TYW1: variants seen among roughly 807,000 people sequenced by gnomAD.
The protein encoded by TYW1 is S-adenosyl-L-methionine-dependent tRNA 4-demethylwyosine synthase TYW1.
Under a neutral mutation model 96.2 loss-of-function variants are expected in TYW1, and 46 were observed. The observed-to-expected ratio is 0.48, with a 90% CI of 0.38 to 0.61. The LOEUF is 0.61. TYW1 is among the 20% of genes least tolerant of loss of function. The pLI is 0.00. For synonymous variants in TYW1, 274 were observed against 323.0 expected (o/e 0.85, Z 1.63); for missense variants, 684 against 909.6 (o/e 0.75, Z 3.19).
At chr7:67,106,776 C>T (rs1797257676) in intron 12 of TYW1, among the ~76,000 whole-genome samples, 2 of 152,164 alleles carry the variant, frequency 1.3e-5, no homozygotes, top group Admixed American at 6.5e-5. Flanking sequence ...AATCTCATAG[C>T]TCTTTTTTGG....
intron 6 of TYW1, among the ~76,000 whole-genome samples, chr7:67,018,704 C>T (rs1301804637): frequency 6.6e-6 from 1 of 151,820 alleles, no homozygotes; most frequent in Non-Finnish European, 1.5e-5. Context: ...CTTGTAATCC[C>T]AGCACTTTTG....
intron 15 of TYW1, among the ~76,000 whole-genome samples, chr7:67,196,638 G>C (rs1447619687): frequency 1.4e-5 from 2 of 140,660 alleles, no homozygotes; most frequent in Non-Finnish European, 3.1e-5. Context: ...TGTCAAACTG[G>C]AATCACAGCC....
intron 3 of TYW1, 70 bp downstream of exon 3, chr7:66,999,024 T>A: frequency 1.3e-6 from 2 of 1,533,750 alleles, no homozygotes; most frequent in Non-Finnish European, 1.8e-6. Flanking sequence ...AGCAGTGAAC[T>A]TTAGCAGTGA....
At chr7:67,072,563 TA>T (rs1796061372) in intron 10 of TYW1, among the ~76,000 whole-genome samples, 1 of 152,044 alleles carries the variant, frequency 6.6e-6, no homozygotes, top group African/African-American at 2.4e-5. Flanking sequence ...TACCCACTTT[TA>T]AAAAATTCTT....
At chr7:67,108,230 A>G (rs1180315661) in intron 12 of TYW1, among the ~76,000 whole-genome samples, 1 of 152,142 alleles carries the variant, frequency 6.6e-6, no homozygotes, top group East Asian at 1.9e-4. Context: ...ACATAAAATC[A>G]TATAACAACT....
chr7:67,130,131 A>G (rs1798022583), intron 13 of TYW1, among the ~76,000 whole-genome samples: 1 of 151,976 alleles, frequency 6.6e-6, no homozygotes, highest in Non-Finnish European at 1.5e-5. Flanking sequence ...CTCTAATCCC[A>G]GCACTTTGGG....
At chr7:67,080,953 T>TG (rs1450971235) in intron 10 of TYW1, among the ~76,000 whole-genome samples, 5 of 146,404 alleles carry the variant, frequency 3.4e-5, no homozygotes, top group African/African-American at 1.3e-4. Context: ...TTTTTTTTTT[T>TG]TTTTTTTTTT....
intron 13 of TYW1, among the ~76,000 whole-genome samples, 167 bp downstream of exon 13, chr7:67,117,785 A>C (rs1797640240): frequency 6.6e-6 from 1 of 152,246 alleles, no homozygotes; most frequent in Non-Finnish European, 1.5e-5. Context: ...TTCCTTCTTC[A>C]AGGAATTTTG....
intron 10 of TYW1, among the ~76,000 whole-genome samples, chr7:67,073,254 C>G (rs914836491): frequency 3.9e-5 from 6 of 152,026 alleles, no homozygotes; most frequent in Non-Finnish European, 8.8e-5. Flanking sequence ...GACAATGTCT[C>G]GAGATATTTT....
At chr7:67,029,432 T>TATATATATATATATATATATATATATAA (rs1380875291) in intron 7 of TYW1, among the ~76,000 whole-genome samples, 1 of 139,232 alleles carries the variant, frequency 7.2e-6, no homozygotes, top group Non-Finnish European at 1.6e-5. Context: ...TATATATATA[T>TATATATATATATATATATATATATATAA]AAATAGTATT....
chr7:67,131,763 G>A (rs201960097), intron 13 of TYW1, among the ~76,000 whole-genome samples: 1 of 152,212 alleles, frequency 6.6e-6, no homozygotes, highest in Non-Finnish European at 1.5e-5. Flanking sequence ...GAAGCTGACA[G>A]TGCAGCCTTC....
At chr7:67,094,880 G>A (rs1277450137) in intron 11 of TYW1, among the ~76,000 whole-genome samples, 1 of 152,028 alleles carries the variant, frequency 6.6e-6, no homozygotes, top group Non-Finnish European at 1.5e-5. Context: ...AATCCCTAGC[G>A]CTTCCTGTGG....
chr7:67,225,139 C>T (rs548095991), intron 15 of TYW1, among the ~76,000 whole-genome samples: 23 of 144,630 alleles, frequency 1.6e-4, no homozygotes, highest in African/African-American at 4.4e-4. Context: ...TGCAGTGAGC[C>T]GAGATTGCAC....
chr7:67,009,625 C>A lies in TYW1; in HGVS notation c.316C>A (p.Leu106Met). The A allele has an allele frequency of 7.4e-6, 12 of 1,612,638 alleles. No individual in the cohort carries two copies. The highest frequency in any genetic ancestry group is 9.3e-6 in the Non-Finnish European group (11 of 1,179,720). ...TGCTGAAGCAGTTACATCCCTGGATCTGCCTGTGGCCATTATTAATCTAAA... is the reference window on the plus strand; with the variant it reads ...TGCTGAAGCAGTTACATCCCTGGATATGCCTGTGGCCATTATTAATCTAAA... ...VLAEAVTSLD[L>M]PVAIINLKEY... Residue 106 changes from leucine to methionine, a missense_variant, in exon 4 of 16, where the codon CTG (leucine) becomes ATG (methionine). Physicochemically the swap from Leu to Met is conservative, Grantham distance 15. Coordinates refer to ENST00000359626, the MANE Select transcript of TYW1 (RefSeq NM_018264.4).
intron 7 of TYW1, among the ~76,000 whole-genome samples, chr7:67,026,893 G>T (rs1240013615): frequency 6.6e-6 from 1 of 152,034 alleles, no homozygotes; most frequent in Non-Finnish European, 1.5e-5. Flanking sequence ...GTTTAAAAGG[G>T]ACTCTAAAAA....
At chr7:67,056,853 C>T (rs1236248119) in intron 9 of TYW1, among the ~76,000 whole-genome samples, 3 of 152,018 alleles carry the variant, frequency 2.0e-5, no homozygotes, top group African/African-American at 4.8e-5. Flanking sequence ...GAAGAAACTC[C>T]GAAACTGTTG....
intron 13 of TYW1, among the ~76,000 whole-genome samples, chr7:67,169,548 C>T (rs1799455023): frequency 6.6e-6 from 1 of 152,036 alleles, no homozygotes; most frequent in African/African-American, 2.4e-5. Context: ...CTACAGGCAC[C>T]CTCCACCACA....
At chr7:66,997,656 C>G (rs1486300401) in intron 1 of TYW1, among the ~76,000 whole-genome samples, 6 of 118,992 alleles carry the variant, frequency 5.0e-5, no homozygotes, top group Non-Finnish European at 9.7e-5. Context: ...CGAGATGGAG[C>G]CTTGCTCTGT....
chr7:67,160,744 A>G (rs1799136398), intron 13 of TYW1, among the ~76,000 whole-genome samples: 1 of 151,520 alleles, frequency 6.6e-6, no homozygotes, highest in Admixed American at 6.6e-5. Flanking sequence ...GGTGCCTGCC[A>G]CCATGCCCAG....
Sources: allele counts gnomAD v4.1 joint callset (sites outside exome capture counted in the v4.1 genomes callset), GRCh38; gene constraint gnomAD v4.1.1; transcripts MANE v1.5; gene names NCBI Gene and HGNC (gene_info 2026-07-23, HGNC 2026-07-21).